The following GNG4 variants were observed in gnomAD, a reference collection of about 807,000 sequenced individuals.
The protein encoded by GNG4 is guanine nucleotide-binding protein G(I)/G(S)/G(O) subunit gamma-4.
A neutral mutation model predicts 5.8 loss-of-function variants in GNG4; 4 were observed. The observed-to-expected ratio is 0.69, with a 90% CI of 0.34 to 1.57. The LOEUF is 1.57. Ranked by LOEUF, GNG4 falls within the 40% of genes most tolerant of loss-of-function variation. The pLI is 0.06. For missense variants in GNG4, 96 were observed against 95.1 expected, an observed-to-expected ratio of 1.01 and a Z score of -0.04; for synonymous variants, 29 against 32.9, an observed-to-expected ratio of 0.88 and a Z score of 0.41.
chr1:235,633,726 CA>C (rs1688977957), intron 1 of GNG4, among the ~76,000 whole-genome samples: 1 of 152,230 alleles, frequency 6.6e-6, no homozygotes, highest in Admixed American at 6.5e-5. Context: ...TGGCCTCTTG[CA>C]ATCCTCCCAC....
chr1:235,576,956 C>T (rs1165397053), intron 3 of GNG4, among the ~76,000 whole-genome samples: 7 of 152,174 alleles, frequency 4.6e-5, no homozygotes, highest in Admixed American at 3.9e-4. Context: ...CTCCATGAAT[C>T]GTGCAAAGCT....
At chr1:235,634,804 G>A (rs1271997983) in intron 1 of GNG4, among the ~76,000 whole-genome samples, 1 of 152,084 alleles carries the variant, frequency 6.6e-6, no homozygotes, top group Non-Finnish European at 1.5e-5. Context: ...TTAGCCAGGC[G>A]TGGTGGTGCA....
chr1:235,591,186 A>T (rs1687952382), intron 2 of GNG4, among the ~76,000 whole-genome samples: 1 of 152,198 alleles, frequency 6.6e-6, no homozygotes, highest in South Asian at 2.1e-4. Flanking sequence ...CCTCAGCAGG[A>T]GTGGAAGGAA....
intron 1 of GNG4, among the ~76,000 whole-genome samples, chr1:235,631,401 A>C (rs1200313317): frequency 6.6e-6 from 1 of 152,200 alleles, no homozygotes; most frequent in East Asian, 1.9e-4. Context: ...CACTGGTTAC[A>C]TGCTGCTCTA....
At chr1:235,612,065 C>CAAAAAAA (rs68070269) in intron 1 of GNG4, among the ~76,000 whole-genome samples, 1 of 93,490 alleles carries the variant, frequency 1.1e-5, no homozygotes. Flanking sequence ...CTTTGTCTCA[C>CAAAAAAA]AAAAAAAAAA....
At chr1:235,627,476 T>C (rs954887703) in intron 1 of GNG4, among the ~76,000 whole-genome samples, 2 of 151,806 alleles carry the variant, frequency 1.3e-5, no homozygotes, top group African/African-American at 2.4e-5. Context: ...CCGCCTCGGC[T>C]TCCCAAAGTG....
intron 3 of GNG4, among the ~76,000 whole-genome samples, chr1:235,562,641 T>C (rs1451351352): frequency 8.9e-6 from 1 of 112,084 alleles, no homozygotes; most frequent in Non-Finnish European, 1.8e-5. Context: ...CAAGGCTCTG[T>C]CTCAAGAAAA....
intron 3 of GNG4, among the ~76,000 whole-genome samples, chr1:235,581,993 C>T (rs914434722): frequency 6.6e-6 from 1 of 152,188 alleles, no homozygotes; most frequent in South Asian, 2.1e-4. Context: ...CAAACTGGGG[C>T]CCACTGTCTT....
At chr1:235,634,811 T>C (rs1689001658) in intron 1 of GNG4, among the ~76,000 whole-genome samples, 1 of 151,840 alleles carries the variant, frequency 6.6e-6, no homozygotes. Context: ...GGCGTGGTGG[T>C]GCATGCCTCC....
chr1:235,645,303 A>G (rs552517118), intron 1 of GNG4, among the ~76,000 whole-genome samples: 16 of 152,214 alleles, frequency 1.1e-4, no homozygotes, highest in African/African-American at 3.9e-4. Context: ...CAATCTCAAC[A>G]GCCTCTTGCT....
At chr1:235,633,412 T>C (rs1346374142) in intron 1 of GNG4, among the ~76,000 whole-genome samples, 1 of 152,220 alleles carries the variant, frequency 6.6e-6, no homozygotes, top group Non-Finnish European at 1.5e-5. Flanking sequence ...GGGACAGTGC[T>C]GGGAAGCCTC....
chr1:235,645,728 C>T (rs560812385), intron 1 of GNG4, among the ~76,000 whole-genome samples: 2 of 137,312 alleles, frequency 1.5e-5, no homozygotes, highest in South Asian at 2.5e-4. Flanking sequence ...GCCCAGGAGG[C>T]GGAGGTTGCA....
At chr1:235,586,381 T>TGG (rs1687760766) in intron 2 of GNG4, among the ~76,000 whole-genome samples, 1 of 151,836 alleles carries the variant, frequency 6.6e-6, no homozygotes, top group African/African-American at 2.4e-5. Context: ...CATCTCTCCG[T>TGG]GTGTGTGTGT....
chr1:235,640,511 T>C (rs1657291265), intron 1 of GNG4, among the ~76,000 whole-genome samples: 1 of 152,134 alleles, frequency 6.6e-6, no homozygotes, highest in African/African-American at 2.4e-5. Flanking sequence ...GTGCTACAAG[T>C]AAATGGTTCT....
chr1:235,608,771 C>T (rs1571911296), intron 1 of GNG4, among the ~76,000 whole-genome samples: 1 of 151,714 alleles, frequency 6.6e-6, no homozygotes, highest in East Asian at 1.9e-4. Flanking sequence ...GCAACCTCCG[C>T]CTCCCGAGTT....
chr1:235,581,367 A>G (rs571859633), intron 3 of GNG4, among the ~76,000 whole-genome samples: 116 of 152,134 alleles, frequency 7.6e-4, no homozygotes, highest in Non-Finnish European at 1.3e-3. Flanking sequence ...GTCTCTACTA[A>G]AAATACAAAA....
In GNG4 at chr1:235,555,664, G is replaced by A. The variant is rs912338454; in HGVS notation, c.100-3427C>T. ...ACTGCACACCAGCCTGGGTGGCAGAGCAAGACCCTGTCTCTAAAAAAAAAA... is the reference window on the plus strand; with the variant it reads ...ACTGCACACCAGCCTGGGTGGCAGAACAAGACCCTGTCTCTAAAAAAAAAA... On this transcript the variant is annotated intron_variant, in intron 3 of 3. Coordinates refer to ENST00000391854, the MANE Select transcript of GNG4 (RefSeq NM_001098722.2). Among the ~76,000 whole-genome samples, 116 of 129,060 alleles carry A rather than the reference G, an allele frequency of 9.0e-4. 1 individual carries two copies. Among genetic ancestry groups the A allele is most frequent in the African/African-American group, 3.6e-3 (114 of 31,712 alleles). 84.7% of individuals were successfully genotyped at this position (129,060 alleles called of 152,430 possible).
In GNG4 at chr1:235,612,401, G is replaced by T. The variant is rs536686902; in HGVS notation, c.-122-16890C>A. Among the ~76,000 whole-genome samples, 17 of 152,252 alleles carry T rather than the reference G, an allele frequency of 1.1e-4. No homozygotes were observed. In the East Asian group the frequency reaches 3.3e-3, roughly 29 times the overall value. On this transcript the variant is annotated intron_variant, in intron 1 of 3. Transcript: ENST00000391854. ...GATGGTCATGGTGCAAACAGACGGG[G>T]CCTTCACAGGGAGGTGCAGGGTCTG...
At chr1:235,616,952 T>C (rs1688605163) in intron 1 of GNG4, among the ~76,000 whole-genome samples, 1 of 141,148 alleles carries the variant, frequency 7.1e-6, no homozygotes, top group African/African-American at 2.6e-5. Context: ...TTCGCCATGC[T>C]GGCCAGGCTG....
Sources: gnomAD v4.1 joint callset for allele counts (sites outside exome capture counted in the v4.1 genomes callset) on GRCh38, gnomAD v4.1.1 for gene constraint, MANE v1.5 for transcripts, NCBI Gene and HGNC (gene_info 2026-07-23, HGNC 2026-07-21) for gene names.